TTC27: variants seen among roughly 807,000 people sequenced by gnomAD.
TTC27 encodes tetratricopeptide repeat protein 27.
In TTC27, 79 loss-of-function variants were observed where a neutral mutation model predicts 115.9. That is an observed-to-expected ratio of 0.68 (90% CI 0.57 to 0.82). The LOEUF (loss-of-function observed/expected upper bound fraction) is 0.82. TTC27 is among the 40% of genes least tolerant of loss of function. The pLI is 0.00. For missense variants in TTC27, 1,054 were observed against 993.1 expected (o/e 1.06, Z -0.82); for synonymous variants, 401 against 356.0 (o/e 1.13, Z -1.42).
chr2:32,628,418 G>A (rs1418650260), intron 1 of TTC27, 38 bp downstream of exon 1: 1 of 1,506,150 alleles, frequency 6.6e-7, no homozygotes, highest in Non-Finnish European at 8.9e-7. Context: ...GCTATCGTGG[G>A]AACTGTGAGG....
chr2:32,664,472 G>T lies in TTC27; in HGVS notation c.805+5G>T. On this transcript the variant is annotated splice_donor_5th_base_variant and intron_variant, in intron 6 of 19. Coordinates refer to ENST00000317907, the MANE Select transcript of TTC27 (RefSeq NM_017735.5). ...AATTACAAATTGATTTGACAGGTAA[G>T]ACTTATTTTTTGTGGATAATTGATT... 1.9e-6 allele frequency: 3 copies of T among 1,593,834 alleles called. No homozygotes were observed. In the South Asian group the frequency reaches 3.5e-5, roughly 19 times the overall value.
intron 4 of TTC27, among the ~76,000 whole-genome samples, chr2:32,641,284 C>T (rs1228856967): frequency 2.6e-5 from 4 of 152,166 alleles, no homozygotes; most frequent in East Asian, 1.9e-4. Flanking sequence ...TTGTCAGCCA[C>T]GCAGTGTGCA....
Position 32,742,309 on chromosome 2 carries a change from T to C in TTC27, c.1452+5493T>C, listed in dbSNP as rs6738784. ...ACTTGATTGAGAAAAATAGGCAAAA[T>C]AATGGAAAATACTCTATAAATTGGT... is the stretch of plus-strand genomic sequence containing the variant. On this transcript the variant is annotated intron_variant, in intron 12 of 19. Transcript: ENST00000317907. Among the ~76,000 whole-genome samples the C allele has an allele frequency of 4.8e-3, 728 of 152,240 alleles. 3 individuals are homozygous for C. The highest frequency in any genetic ancestry group is 0.016 in the African/African-American group (683 of 41,540).
At chr2:32,804,913 A>C (rs1452792102) in intron 16 of TTC27, among the ~76,000 whole-genome samples, 1 of 152,218 alleles carries the variant, frequency 6.6e-6, no homozygotes, top group East Asian at 1.9e-4. Context: ...TTTTAAAAAA[A>C]AATTACAAAA....
At chr2:32,792,238 A>C (rs1432999460) in intron 16 of TTC27, among the ~76,000 whole-genome samples, 2 of 152,190 alleles carry the variant, frequency 1.3e-5, no homozygotes, top group Non-Finnish European at 2.9e-5. Context: ...AATGAAATTG[A>C]AGTTCTGGGA....
intron 10 of TTC27, among the ~76,000 whole-genome samples, chr2:32,724,108 A>G (rs1007811481): frequency 6.6e-6 from 1 of 151,572 alleles, no homozygotes; most frequent in African/African-American, 2.4e-5. Context: ...TTGTGCTTTC[A>G]TTAAGACACT....
chr2:32,723,971 C>CTTTT (rs36120062), intron 10 of TTC27, among the ~76,000 whole-genome samples: 996 of 92,418 alleles, frequency 0.011, 89 homozygotes, highest in African/African-American at 0.039. Context: ...CATACATAAG[C>CTTTT]TTTTTTTTTT....
chr2:32,663,600 C>T (rs555086360), intron 5 of TTC27, among the ~76,000 whole-genome samples: 2 of 152,222 alleles, frequency 1.3e-5, no homozygotes, highest in East Asian at 3.9e-4. Context: ...GAGACGGGAG[C>T]TGTTCCTATT....
Position 32,640,328 on chromosome 2 carries a change from A to G in TTC27, c.455A>G (p.Tyr152Cys), listed in dbSNP as rs771322851. ...CTCACTCTAGATGGTGAATCAATCT[A>G]CAGCCTGACCTCGAAGCCTATACTA... ...SLLTLDGESI[Y>C]SLTSKPILLL... Residue 152 changes from tyrosine (Y) to cysteine (C), a missense_variant, in exon 4 of 20, where the codon TAC (tyrosine) becomes TGC (cysteine). Transcript: ENST00000317907. 25 of 1,614,108 alleles carry G rather than the reference A, an allele frequency of 1.5e-5. No individual in the cohort carries two copies. The Admixed American group carries it at 2.0e-4, about 13-fold the overall frequency.
At chr2:32,787,257 T>C (rs1670379983) in intron 16 of TTC27, 108 bp downstream of exon 16, 1 of 1,230,346 alleles carries the variant, frequency 8.1e-7, no homozygotes. Context: ...GTTAAACACA[T>C]GTAACATATG....
Position 32,669,752 on chromosome 2 carries a change from G to A in TTC27, c.940-2520G>A, listed in dbSNP as rs530791937. On this transcript the variant is annotated intron_variant, in intron 7 of 19. Transcript: ENST00000317907. ...ATAGAAAAGATTATCCGGGCGTGGT[G>A]GTGTGTGCCTGTAATTCCAGCTACT... 5.3e-5 allele frequency among the ~76,000 whole-genome samples: 8 copies of A among 151,800 alleles called. No individual in the cohort carries two copies. In the South Asian group the frequency reaches 1.5e-3, roughly 28 times the overall value.
chr2:32,631,044 C>T (rs796726901), intron 2 of TTC27, among the ~76,000 whole-genome samples: 16 of 152,142 alleles, frequency 1.1e-4, no homozygotes, highest in African/African-American at 3.9e-4. Flanking sequence ...TGCTTCACGC[C>T]TGTAGTCCCA....
chr2:32,777,852 T>C (rs751939299), intron 13 of TTC27, 30 bp from the exon 14 acceptor site: 1 of 1,608,354 alleles, frequency 6.2e-7, no homozygotes, highest in South Asian at 1.1e-5. Flanking sequence ...TTCTGTGTGT[T>C]TGAATGACTT....
chr2:32,677,878 G>A (rs1452908962), intron 8 of TTC27, among the ~76,000 whole-genome samples: 2 of 152,196 alleles, frequency 1.3e-5, no homozygotes, highest in African/African-American at 4.8e-5. Flanking sequence ...TTTGGCATGA[G>A]TTTAATAAAT....
At chr2:32,645,280 G>A (rs1431314716) in intron 4 of TTC27, among the ~76,000 whole-genome samples, 3 of 152,112 alleles carry the variant, frequency 2.0e-5, no homozygotes, top group Non-Finnish European at 1.5e-5. Flanking sequence ...GAAATCAACA[G>A]CTATGTGACC....
At chr2:32,695,944 AAAAT>A (rs1209132237) in intron 9 of TTC27, among the ~76,000 whole-genome samples, 1 of 151,068 alleles carries the variant, frequency 6.6e-6, no homozygotes, top group East Asian at 2.0e-4. Flanking sequence ...TATGAAAGTA[AAAAT>A]AAATAAACAA....
At chr2:32,641,037 C>T (rs1221376652) in intron 4 of TTC27, among the ~76,000 whole-genome samples, 1 of 151,992 alleles carries the variant, frequency 6.6e-6, no homozygotes, top group African/African-American at 2.4e-5. Context: ...AAAAGATATA[C>T]CTCACAGTCT....
intron 12 of TTC27, among the ~76,000 whole-genome samples, chr2:32,750,119 C>G (rs1434813677): frequency 6.6e-6 from 1 of 152,156 alleles, no homozygotes; most frequent in African/African-American, 2.4e-5. Flanking sequence ...GTGGGTAAGT[C>G]AGAACTTAAG....
intron 13 of TTC27, among the ~76,000 whole-genome samples, chr2:32,775,771 T>C (rs1044371445): frequency 3.3e-5 from 5 of 152,214 alleles, no homozygotes; most frequent in Non-Finnish European, 7.3e-5. Flanking sequence ...GTTTTTCAGA[T>C]GCATCTCTAT....
Sources: allele counts gnomAD v4.1 joint callset (sites outside exome capture counted in the v4.1 genomes callset), GRCh38; gene constraint gnomAD v4.1.1; transcripts MANE v1.5; gene names NCBI Gene and HGNC (gene_info 2026-07-23, HGNC 2026-07-21).